The following ARAP2 variants were observed in gnomAD, a reference collection of about 807,000 sequenced individuals.
The protein encoded by ARAP2 is ArfGAP with RhoGAP domain, ankyrin repeat and PH domain 2, also known as arf-GAP with Rho-GAP domain, ANK repeat and PH domain-containing protein 2.
In ARAP2, 148 loss-of-function variants were observed where a neutral mutation model predicts 194.5. That is an observed-to-expected ratio of 0.76 (90% CI 0.67 to 0.87). The LOEUF is 0.87. Among genes scored for constraint, ARAP2 ranks in the 40% least tolerant of loss-of-function variants. The pLI is 0.00. For synonymous variants in ARAP2, 695 were observed against 683.5 expected (o/e 1.02, Z -0.26); for missense variants, 2,128 against 1,989.7 (o/e 1.07, Z -1.32).
chr4:36,230,220 T>G (rs1751170774), intron 1 of ARAP2, among the ~76,000 whole-genome samples: 1 of 152,212 alleles, frequency 6.6e-6, no homozygotes, highest in Admixed American at 6.5e-5. Flanking sequence ...GATTAAAATA[T>G]CTCTAAGGTG....
intron 9 of ARAP2, among the ~76,000 whole-genome samples, chr4:36,167,321 A>G (rs562924861): frequency 4.8e-4 from 73 of 152,272 alleles, no homozygotes; most frequent in African/African-American, 1.7e-3. Context: ...AGTAGGCACA[A>G]TATTCACCCT....
intron 26 of ARAP2, among the ~76,000 whole-genome samples, chr4:36,111,468 A>C (rs1048313180): frequency 6.6e-6 from 1 of 151,968 alleles, no homozygotes. Context: ...AAACATTAAG[A>C]CCATGCCAAA....
intron 1 of ARAP2, among the ~76,000 whole-genome samples, chr4:36,242,998 T>A (rs1297820421): frequency 1.3e-5 from 2 of 152,018 alleles, no homozygotes; most frequent in Non-Finnish European, 2.9e-5. Context: ...CATGACCCAC[T>A]TTTTTTTCTT....
chr4:36,033,641 C>A (rs921382198), intron 5 of ARAP2, among the ~76,000 whole-genome samples: 3 of 152,058 alleles, frequency 2.0e-5, no homozygotes, highest in Non-Finnish European at 4.4e-5. Context: ...TGCAGAAGCT[C>A]TTAAGTTTAA....
chr4:36,027,387 C>A (rs561739820), intron 5 of ARAP2, among the ~76,000 whole-genome samples: 1 of 151,794 alleles, frequency 6.6e-6, no homozygotes, highest in South Asian at 2.1e-4. Flanking sequence ...TGATTGTAAG[C>A]CTCCCTCGGT....
At chr4:36,233,250 G>A (rs1751847908) in intron 1 of ARAP2, among the ~76,000 whole-genome samples, 1 of 152,156 alleles carries the variant, frequency 6.6e-6, no homozygotes, top group African/African-American at 2.4e-5. Flanking sequence ...GTATGTGAAA[G>A]CTCCTTAATA....
rs371342178 is a variant in ARAP2 at position 36,229,026 on chromosome 4, G to C, written c.461C>G (p.Pro154Arg). 6.2e-7 allele frequency: 1 copy of C among 1,614,080 alleles called. No homozygotes were observed. The change falls in exon 2 of 33, where the codon CCC (proline) becomes CGC (arginine). Residue 154 changes from proline to arginine, a missense_variant. By Grantham distance (103) the Pro-to-Arg change is moderately radical. Coordinates refer to ENST00000303965, the MANE Select transcript of ARAP2 (RefSeq NM_015230.4). Reference sequence around the variant, plus strand: ...ATTCAGGTGTGGTTCCTCTGCAGTGGGGAAGTCGCGTTTAGGAGGAGACAG... The same window carrying C: ...ATTCAGGTGTGGTTCCTCTGCAGTGCGGAAGTCGCGTTTAGGAGGAGACAG... ...DKLSPPKRDFPTAEEPHLNLG... is the reference protein window; with the variant it reads ...DKLSPPKRDFRTAEEPHLNLG...
chr4:36,100,563 AT>A (rs2109428320), intron 27 of ARAP2, among the ~76,000 whole-genome samples: 1 of 152,198 alleles, frequency 6.6e-6, no homozygotes, highest in South Asian at 2.1e-4. Context: ...CAAATTCAAA[AT>A]TATGCATATT....
At chr4:36,071,693 A>ATTTTTTTTTTTTTTTTTTTT (rs55918222) in intron 32 of ARAP2, among the ~76,000 whole-genome samples, 2 of 147,126 alleles carry the variant, frequency 1.4e-5, no homozygotes. Flanking sequence ...TTTTTTTTTA[A>ATTTTTTTTTTTTTTTTTTTT]TTTTTTTTCT....
Position 36,067,964 on chromosome 4 carries a change from A to G in ARAP2, c.5058T>C (p.Val1686=). ...PSRVIEELNV[V]LQRSRTLPKE... is the part of the protein sequence containing the mutation. ...TTGGAAGGGTTCTTGACCGTTGTAG[A>G]ACCACATTAAGTTCTTCAATTACCC... The change falls in exon 33 of 33, where the codon GTT becomes GTC. Residue 1686 remains valine, a synonymous_variant. Transcript: ENST00000303965. 6.2e-7 allele frequency: 1 copy of G among 1,613,906 alleles called. No homozygotes were observed. The highest frequency in any genetic ancestry group is 1.7e-5 in the Admixed American group (1 of 59,996).
intron 4 of ARAP2, 102 bp downstream of exon 4, chr4:36,213,141 T>C (rs1747129020): frequency 4.4e-5 from 40 of 917,860 alleles, no homozygotes; most frequent in Non-Finnish European, 6.8e-5. Flanking sequence ...ATCTTCAATA[T>C]AATGCCATTC....
At chr4:36,095,162 C>A (rs1377107556) in intron 27 of ARAP2, among the ~76,000 whole-genome samples, 1 of 152,120 alleles carries the variant, frequency 6.6e-6, no homozygotes, top group African/African-American at 2.4e-5. Flanking sequence ...ATTTTCCGCC[C>A]ATGGCCCAGT....
chr4:36,209,886 CCTT>C (rs1746356240), intron 6 of ARAP2, among the ~76,000 whole-genome samples: 3 of 152,120 alleles, frequency 2.0e-5, no homozygotes, highest in Admixed American at 6.6e-5. Flanking sequence ...GGGACTCTGA[CCTT>C]CTGTGTAACA....
At chr4:36,105,080 G>A (rs1226221119) in intron 27 of ARAP2, among the ~76,000 whole-genome samples, 1 of 152,006 alleles carries the variant, frequency 6.6e-6, no homozygotes, top group Non-Finnish European at 1.5e-5. Context: ...TCATCCTTGG[G>A]AGGTCAAGGC....
At position 36,160,527 on chromosome 4, in the gene ARAP2, G is replaced by A; in HGVS notation, c.2374C>T (p.Gln792Ter). 1 of 1,569,380 alleles carries A rather than the reference G, an allele frequency of 6.4e-7. No individual in the cohort carries two copies. The highest frequency in any genetic ancestry group is 8.6e-7 in the Non-Finnish European group (1 of 1,163,376). The change falls in exon 13 of 33, where the codon CAG (glutamine) becomes TAG (stop). Residue 792 changes from glutamine to a stop codon, truncating the protein, a stop_gained. Coordinates refer to ENST00000303965, the MANE Select transcript of ARAP2 (RefSeq NM_015230.4). LOFTEE classifies it high-confidence loss of function. ...PVEKRKNFIT[Q>*]KYKEGKFRKT... ...CTGAATTTTCCTTCTTTATATTTCTGAGTAATAAAGTTTTTTCTCTTTTCT... is the reference window on the plus strand; with the variant it reads ...CTGAATTTTCCTTCTTTATATTTCTAAGTAATAAAGTTTTTTCTCTTTTCT...
intron 26 of ARAP2, among the ~76,000 whole-genome samples, chr4:36,113,053 A>C (rs61798098): frequency 0.3 from 45,823 of 151,896 alleles, 8,173 homozygotes; most frequent in East Asian, 0.47. Flanking sequence ...ACAGAAAATC[A>C]TAAAGAGAAT....
intron 5 of ARAP2, among the ~76,000 whole-genome samples, chr4:36,211,201 TCAC>T (rs1746687916): frequency 6.6e-6 from 1 of 152,128 alleles, no homozygotes; most frequent in Non-Finnish European, 1.5e-5. Flanking sequence ...ACCCCATGTT[TCAC>T]CACAATGCAA....
chr4:36,081,627 G>A (rs1209495953), intron 30 of ARAP2, among the ~76,000 whole-genome samples: 1 of 152,086 alleles, frequency 6.6e-6, no homozygotes, highest in Non-Finnish European at 1.5e-5. Flanking sequence ...CCTCAGTGGA[G>A]AGGTGGAGAA....
chr4:36,040,552 C>A (rs1720686619), intron 5 of ARAP2, among the ~76,000 whole-genome samples: 1 of 152,048 alleles, frequency 6.6e-6, no homozygotes, highest in Admixed American at 6.6e-5. Context: ...TTTTAGAGGT[C>A]TTTTACCTCC....
Sources: allele counts gnomAD v4.1 joint callset (sites outside exome capture counted in the v4.1 genomes callset), GRCh38; gene constraint gnomAD v4.1.1; transcripts MANE v1.5; gene names NCBI Gene and HGNC (gene_info 2026-07-23, HGNC 2026-07-21).